CTNNA2: variants seen among roughly 807,000 people sequenced by gnomAD.
The protein encoded by CTNNA2 is catenin alpha 2.
A neutral mutation model predicts 101.0 loss-of-function variants in CTNNA2; 42 were observed. That is an observed-to-expected ratio of 0.42 (90% CI 0.32 to 0.54). CTNNA2 has a LOEUF of 0.54. Ranked by LOEUF, CTNNA2 falls within the 20% of genes least tolerant of loss-of-function variation. The pLI is 0.14. For missense variants in CTNNA2, 871 were observed against 1,223.1 expected (o/e 0.71, Z 4.29); for synonymous variants, 450 against 456.4 (o/e 0.99, Z 0.18).
chr2:80,054,857 C>G (rs1030640802), intron 7 of CTNNA2, among the ~76,000 whole-genome samples: 2 of 152,104 alleles, frequency 1.3e-5, no homozygotes, highest in African/African-American at 4.8e-5. Context: ...GTAAATCTCT[C>G]CTAAACATGG....
chr2:79,308,676 T>C (rs1249959166), intron 2 of CTNNA2, among the ~76,000 whole-genome samples: 1 of 152,148 alleles, frequency 6.6e-6, no homozygotes, highest in Non-Finnish European at 1.5e-5. Context: ...GACCTGGTTT[T>C]TGTATAGGGT....
At chr2:79,953,487 G>A (rs1343680901) in intron 7 of CTNNA2, among the ~76,000 whole-genome samples, 1 of 152,158 alleles carries the variant, frequency 6.6e-6, no homozygotes, top group Non-Finnish European at 1.5e-5. Flanking sequence ...CAATTTGTAT[G>A]ACTGTTTGCT....
chr2:79,392,578 C>A (rs1678186708), intron 4 of CTNNA2, among the ~76,000 whole-genome samples: 1 of 152,058 alleles, frequency 6.6e-6, no homozygotes, highest in Admixed American at 6.6e-5. Flanking sequence ...AATTTTCTTG[C>A]CCAAGCTGTG....
intron 17 of CTNNA2, among the ~76,000 whole-genome samples, chr2:80,614,676 T>TA (rs917802381): frequency 6.6e-6 from 1 of 151,530 alleles, no homozygotes; most frequent in African/African-American, 2.4e-5. Context: ...AGATTTTTTT[T>TA]AAATAATTTA....
chr2:80,354,761 A>G (rs1232238949), intron 7 of CTNNA2, among the ~76,000 whole-genome samples: 1 of 152,124 alleles, frequency 6.6e-6, no homozygotes, highest in Non-Finnish European at 1.5e-5. Context: ...TATTACTTCT[A>G]GATCAGTGTT....
intron 9 of CTNNA2, among the ~76,000 whole-genome samples, chr2:80,429,156 A>G (rs970566114): frequency 7.9e-5 from 12 of 152,280 alleles, no homozygotes; most frequent in African/African-American, 2.4e-4. Context: ...AAACCCTACC[A>G]TATTTTGTAA....
chr2:79,193,852 G>A lies in CTNNA2; in HGVS notation c.-523-4107G>A, dbSNP rs1673923360. On this transcript the variant is annotated intron_variant, in intron 1 of 21. Coordinates refer to the CTNNA2 transcript ENST00000466387. ...CCTCAGTTTCCTCATTTGCCACAAGGGATAATAATGGTACCTACTTCACAG... is the reference window on the plus strand; with the variant it reads ...CCTCAGTTTCCTCATTTGCCACAAGAGATAATAATGGTACCTACTTCACAG... 3.3e-5 allele frequency among the ~76,000 whole-genome samples: 5 copies of A among 152,056 alleles called. No individual in the cohort carries two copies. The South Asian group carries it at 1.0e-3, about 32-fold the overall frequency.
At chr2:80,491,026 C>T (rs1382994634) in intron 9 of CTNNA2, among the ~76,000 whole-genome samples, 1 of 152,102 alleles carries the variant, frequency 6.6e-6, no homozygotes, top group Non-Finnish European at 1.5e-5. Context: ...AATATTATGT[C>T]AGTTCTGCAT....
chr2:80,210,275 A>G (rs1215586994), intron 7 of CTNNA2, among the ~76,000 whole-genome samples: 5 of 152,188 alleles, frequency 3.3e-5, no homozygotes, highest in Non-Finnish European at 7.3e-5. Flanking sequence ...CAGGTTTGTT[A>G]CATATGTATA....
At chr2:79,629,842 A>G (rs1276610805) in intron 1 of CTNNA2, among the ~76,000 whole-genome samples, 12 of 151,990 alleles carry the variant, frequency 7.9e-5, no homozygotes, top group Non-Finnish European at 1.5e-4. Flanking sequence ...GAACCTGGAG[A>G]GGCTGTCCCT....
intron 2 of CTNNA2, among the ~76,000 whole-genome samples, chr2:79,311,147 C>T (rs937198537): frequency 2.0e-5 from 3 of 152,166 alleles, no homozygotes; most frequent in African/African-American, 4.8e-5. Flanking sequence ...CTGTGGCTCA[C>T]GCCTGTAATC....
At chr2:80,290,395 C>G (rs141354642) in intron 7 of CTNNA2, among the ~76,000 whole-genome samples, 2 of 152,012 alleles carry the variant, frequency 1.3e-5, no homozygotes, top group African/African-American at 2.4e-5. Context: ...TCATTTCTTC[C>G]CCAGTGATTA....
intron 8 of CTNNA2, among the ~76,000 whole-genome samples, chr2:80,400,292 A>G (rs1367310416): frequency 6.6e-6 from 1 of 152,012 alleles, no homozygotes; most frequent in Non-Finnish European, 1.5e-5. Context: ...TTATCTCCCC[A>G]TTTCCTGAGG....
intron 7 of CTNNA2, among the ~76,000 whole-genome samples, chr2:80,125,138 G>T (rs1702044900): frequency 6.6e-6 from 1 of 152,116 alleles, no homozygotes; most frequent in African/African-American, 2.4e-5. Flanking sequence ...AGCAAATCTG[G>T]GGCATCAAAA....
chr2:79,385,206 A>G lies in CTNNA2; in HGVS notation c.-135+11193A>G, dbSNP rs140135446. Among the ~76,000 whole-genome samples the G allele has an allele frequency of 3.2e-4, 48 of 152,290 alleles. No homozygotes were observed. The East Asian group carries it at 7.4e-3, about 23-fold the overall frequency. On this transcript the variant is annotated intron_variant, in intron 4 of 21. Coordinates refer to the CTNNA2 transcript ENST00000466387. ...TTGGGTCTTGAGGGATTGTTCCCAC[A>G]TAGGCCCTTACCACTTCTTCATGAG...
chr2:80,213,962 T>G (rs1419923968), intron 7 of CTNNA2, among the ~76,000 whole-genome samples: 4 of 152,234 alleles, frequency 2.6e-5, no homozygotes, highest in Non-Finnish European at 5.9e-5. Flanking sequence ...CCTTTACCAT[T>G]AAGTAATGGC....
At chr2:79,403,399 TA>T (rs1379797230) in intron 4 of CTNNA2, among the ~76,000 whole-genome samples, 1 of 151,924 alleles carries the variant, frequency 6.6e-6, no homozygotes, top group Non-Finnish European at 1.5e-5. Context: ...CATTTGAATT[TA>T]AATCAATTAC....
chr2:79,865,825 T>C (rs1375613348), intron 4 of CTNNA2, among the ~76,000 whole-genome samples: 1 of 152,220 alleles, frequency 6.6e-6, no homozygotes, highest in African/African-American at 2.4e-5. Context: ...GTTCATGCCA[T>C]TCTGGTGCCT....
At chr2:80,219,691 G>C (rs1708466888) in intron 7 of CTNNA2, among the ~76,000 whole-genome samples, 1 of 151,894 alleles carries the variant, frequency 6.6e-6, no homozygotes, top group South Asian at 2.1e-4. Context: ...GAAAGGGTTT[G>C]ATTAACAAAA....
Sources: gnomAD v4.1 joint callset for allele counts (sites outside exome capture counted in the v4.1 genomes callset) on GRCh38, gnomAD v4.1.1 for gene constraint, MANE v1.5 for transcripts, NCBI Gene and HGNC (gene_info 2026-07-23, HGNC 2026-07-21) for gene names.